NHSL3: variants seen among roughly 807,000 people sequenced by gnomAD.
NHSL3 encodes NHS like 3.
At chr1:32,772,126 C>G in the NHSL3 span, 3 of 1,613,302 alleles carry the variant, frequency 1.9e-6, no homozygotes, top group Non-Finnish European at 2.5e-6. Context: ...GAAGCTGCAG[C>G]TGGAGCGGCC....
chr1:32,743,423 T>C, the NHSL3 span, among the ~76,000 whole-genome samples: 1 of 152,090 alleles, frequency 6.6e-6, no homozygotes, highest in African/African-American at 2.4e-5. Context: ...GAAGTGAGGG[T>C]GCTGGGGCTG....
the NHSL3 span, among the ~76,000 whole-genome samples, chr1:32,753,787 C>T: frequency 6.6e-6 from 1 of 152,230 alleles, no homozygotes; most frequent in Admixed American, 6.5e-5. Context: ...GAGTGGGCAA[C>T]CCGCCTGCCC....
At chr1:32,768,585 CA>C in the NHSL3 span, 31 of 1,569,876 alleles carry the variant, frequency 2.0e-5, no homozygotes, top group South Asian at 5.7e-5. Context: ...GGATTTGTCT[CA>C]AAAAAAAGTT....
the NHSL3 span, among the ~76,000 whole-genome samples, chr1:32,765,401 C>CT: frequency 1.3e-5 from 2 of 152,340 alleles, no homozygotes; most frequent in South Asian, 2.1e-4. Context: ...CATCTGGCAG[C>CT]TGGGACCCCT....
At chr1:32,773,050 C>A in the NHSL3 span, 1 of 681,412 alleles carries the variant, frequency 1.5e-6, no homozygotes, top group Admixed American at 2.3e-5. Context: ...CCTGGTGTTG[C>A]TCCTGTCCTC....
At chr1:32,756,471 C>CT in the NHSL3 span, among the ~76,000 whole-genome samples, 1 of 13,994 alleles carries the variant, frequency 7.1e-5, no homozygotes, top group Non-Finnish European at 1.6e-4. Context: ...CATGACGAGA[C>CT]CCCCCCCCCC....
the NHSL3 span, chr1:32,753,967 TG>T: frequency 2.9e-6 from 1 of 342,288 alleles, no homozygotes; most frequent in South Asian, 1.2e-4. Flanking sequence ...GTGGTCGAGC[TG>T]GGGCTGGGGG....
chr1:32,768,203 G>C, the NHSL3 span: 1 of 958,184 alleles, frequency 1.0e-6, no homozygotes, highest in Non-Finnish European at 1.7e-6. Flanking sequence ...CTGGGTCTCA[G>C]TTTCTTTATC....
At chr1:32,767,728 G>A in the NHSL3 span, 2 of 1,482,990 alleles carry the variant, frequency 1.3e-6, no homozygotes, top group South Asian at 2.6e-5. Flanking sequence ...CGTGAGACCT[G>A]TGCCCCTGCA....
chr1:32,765,718 G>C, the NHSL3 span: 148 of 1,545,080 alleles, frequency 9.6e-5, 1 homozygote, highest in East Asian at 3.4e-3. Context: ...CCCGCGCTCT[G>C]CTCTGGAGAG....
chr1:32,769,679 C>T, the NHSL3 span: 1 of 1,612,080 alleles, frequency 6.2e-7, no homozygotes, highest in Non-Finnish European at 8.5e-7. Context: ...CCAGGCTCCA[C>T]CTTCCGACCC....
At chr1:32,759,439 T>G in the NHSL3 span, among the ~76,000 whole-genome samples, 1 of 152,232 alleles carries the variant, frequency 6.6e-6, no homozygotes, top group Non-Finnish European at 1.5e-5. Flanking sequence ...TATTATGTCA[T>G]TGCTGGGAGC....
chr1:32,765,929 G>T, the NHSL3 span: 1 of 1,133,872 alleles, frequency 8.8e-7, no homozygotes. Context: ...AAGTAATGGG[G>T]TGGGGCTGGG....
chr1:32,765,299 C>CCGAGCTCTTTCCCCAGGGAATTA, the NHSL3 span, among the ~76,000 whole-genome samples: 1 of 121,948 alleles, frequency 8.2e-6, no homozygotes, highest in Non-Finnish European at 2.0e-5. Context: ...GCTGCAGGCT[C>CCGAGCTCTTTCCCCAGGGAATTA]CGAGCTCTTT....
chr1:32,762,717 G>C, the NHSL3 span, among the ~76,000 whole-genome samples: 1 of 151,886 alleles, frequency 6.6e-6, no homozygotes, highest in African/African-American at 2.4e-5. Flanking sequence ...AGCCTCCCAA[G>C]TAGCTGGGAT....
chr1:32,772,296 CAG>C, the NHSL3 span: 4 of 1,541,594 alleles, frequency 2.6e-6, no homozygotes, highest in Non-Finnish European at 2.7e-6. Flanking sequence ...CCGCCTCCCC[CAG>C]TTACCCTCGA....
the NHSL3 span, chr1:32,772,294 C>CCCCAATAA: frequency 6.2e-7 from 1 of 1,605,218 alleles, no homozygotes; most frequent in Non-Finnish European, 8.5e-7. Flanking sequence ...ACCCGCCTCC[C>CCCCAATAA]CCAGTTACCC....
chr1:32,770,619 C>T, the NHSL3 span: 15 of 1,516,438 alleles, frequency 9.9e-6, no homozygotes, highest in South Asian at 1.7e-4. The surrounding 1 kb of genome is among the most constrained non-coding windows in gnomAD (Gnocchi z 8.3). Context: ...GCATTCGGAG[C>T]AGTGGGCAGT....
the NHSL3 span, chr1:32,773,190 C>A: frequency 1.2e-5 from 6 of 503,312 alleles, no homozygotes; most frequent in Non-Finnish European, 1.8e-5. Flanking sequence ...CCTGCTGGCC[C>A]TGAGGCTGCA....
Sources: gnomAD v4.1 joint callset for allele counts (sites outside exome capture counted in the v4.1 genomes callset) on GRCh38, gnomAD v4.1.1 for gene constraint, Gnocchi (gnomAD v3.1) non-coding constraint, MANE v1.5 for transcripts, NCBI Gene and HGNC (gene_info 2026-07-23, HGNC 2026-07-21) for gene names.